Variants in M1AP observed in about 807,000 individuals in gnomAD.
The protein encoded by M1AP is meiosis 1 associated protein, also known as meiosis 1 arrest protein.
Under a neutral mutation model 51.2 loss-of-function variants are expected in M1AP, and 39 were observed. The ratio of observed to expected loss-of-function variants is 0.76; its 90% CI spans 0.59 to 1.00. The LOEUF is 1.00. M1AP is among the 50% of genes least tolerant of loss of function. The probability of loss-of-function intolerance (pLI) is 0.00; values close to 1 mark genes in which losing one functional copy is unlikely to be tolerated. For missense variants in M1AP, 545 were observed against 641.2 expected (o/e 0.85, Z 1.62); for synonymous variants, 251 against 249.2 (o/e 1.01, Z -0.07).
chr2:74,568,183 C>T (rs1678507153), intron 7 of M1AP, among the ~76,000 whole-genome samples: 1 of 152,218 alleles, frequency 6.6e-6, no homozygotes, highest in African/African-American at 2.4e-5. Flanking sequence ...AGCCGGCCAA[C>T]TGGCTAAGGG....
chr2:74,628,286 TC>T, intron 2 of M1AP: 1 of 299,674 alleles, frequency 3.3e-6, no homozygotes, highest in East Asian at 8.4e-5. Context: ...GTTCAGTTGT[TC>T]CCCAATGTAA....
At chr2:74,613,132 A>C (rs1054574859) in intron 3 of M1AP, among the ~76,000 whole-genome samples, 2 of 151,320 alleles carry the variant, frequency 1.3e-5, no homozygotes, top group Non-Finnish European at 3.0e-5. Flanking sequence ...ACCTTTTTTT[A>C]TTTTTTCTTA....
intron 7 of M1AP, chr2:74,575,207 G>A (rs550766393): frequency 1.3e-5 from 10 of 785,254 alleles, no homozygotes; most frequent in South Asian, 1.2e-4. Flanking sequence ...CTTGCCAATC[G>A]GGGATTTTCA....
chr2:74,571,224 C>T (rs1164377239), intron 7 of M1AP, among the ~76,000 whole-genome samples: 1 of 152,150 alleles, frequency 6.6e-6, no homozygotes, highest in Non-Finnish European at 1.5e-5. Flanking sequence ...AGGAGAGTTA[C>T]AACTCATGTT....
chr2:74,630,515 T>C (rs1336130187), intron 2 of M1AP, among the ~76,000 whole-genome samples: 1 of 152,150 alleles, frequency 6.6e-6, no homozygotes, highest in Non-Finnish European at 1.5e-5. Flanking sequence ...CCAGTGTGTG[T>C]TGTTCCCCTC....
In M1AP at chr2:74,558,926, C is replaced by T. The variant is rs757705192; in HGVS notation, c.1435-52G>A. 5 of 1,512,114 alleles carry T rather than the reference C, an allele frequency of 3.3e-6. No individual in the cohort carries two copies. In the East Asian group the frequency reaches 1.2e-4, roughly 36 times the overall value. 93.7% of individuals were successfully genotyped at this position (1,512,114 alleles called of 1,614,324 possible). ...TCTGAAGATCAGAGTTTCTGAGCAC[C>T]TATCCCATTCTCTGTTGGGCTTCCT... On this transcript the variant is annotated intron_variant, in intron 10 of 10. Transcript: ENST00000421985.
At chr2:74,643,448 T>C (rs1409760962) in intron 1 of M1AP, among the ~76,000 whole-genome samples, 2 of 152,032 alleles carry the variant, frequency 1.3e-5, no homozygotes, top group Non-Finnish European at 2.9e-5. Flanking sequence ...TGTTTAGAGG[T>C]GCATACACAG....
At chr2:74,585,207 GCA>G (rs1236767556) in intron 4 of M1AP, among the ~76,000 whole-genome samples, 5 of 152,162 alleles carry the variant, frequency 3.3e-5, no homozygotes, top group Non-Finnish European at 2.9e-5. Context: ...CAGAAATGCA[GCA>G]CAGAGAAGGG....
intron 4 of M1AP, among the ~76,000 whole-genome samples, chr2:74,590,216 G>T (rs1187348544): frequency 6.6e-6 from 1 of 152,186 alleles, no homozygotes; most frequent in Non-Finnish European, 1.5e-5. Flanking sequence ...GGTGCTGGCA[G>T]ATTCAATGTC....
intron 4 of M1AP, among the ~76,000 whole-genome samples, chr2:74,606,155 C>T (rs1680982479): frequency 6.6e-6 from 1 of 152,218 alleles, no homozygotes; most frequent in Non-Finnish European, 1.5e-5. Flanking sequence ...GGAGGCAGGG[C>T]ATGTGTGAGC....
intron 2 of M1AP, chr2:74,619,064 G>T: frequency 2.2e-6 from 1 of 453,256 alleles, no homozygotes; most frequent in Non-Finnish European, 4.4e-6. Flanking sequence ...TTAAGGTTTT[G>T]TTGATCAGTC....
intron 4 of M1AP, among the ~76,000 whole-genome samples, chr2:74,592,275 T>C (rs1204188836): frequency 6.6e-6 from 1 of 152,214 alleles, no homozygotes; most frequent in Non-Finnish European, 1.5e-5. Context: ...GGTAATTTTG[T>C]GTTTAAAAAT....
intron 2 of M1AP, chr2:74,628,819 A>C: frequency 2.1e-6 from 1 of 474,408 alleles, no homozygotes. Flanking sequence ...ACTTGAAAGA[A>C]TAAGTGGAAA....
At chr2:74,612,475 T>C (rs530922781) in intron 3 of M1AP, among the ~76,000 whole-genome samples, 43 of 152,288 alleles carry the variant, frequency 2.8e-4, no homozygotes, top group Middle Eastern at 6.8e-3. Context: ...CTGCCGTAGC[T>C]TCCCAAAGTG....
chr2:74,578,535 CAG>C (rs1037807247), intron 5 of M1AP, among the ~76,000 whole-genome samples: 50 of 152,250 alleles, frequency 3.3e-4, no homozygotes, highest in African/African-American at 1.1e-3. Context: ...GTGGTCTCAG[CAG>C]AGTGTCCCAA....
intron 4 of M1AP, among the ~76,000 whole-genome samples, chr2:74,585,651 G>A (rs1326263178): frequency 1.3e-5 from 2 of 152,228 alleles, no homozygotes; most frequent in African/African-American, 2.4e-5. Flanking sequence ...TCTCCACAGA[G>A]GTGCTGTGTG....
At chr2:74,626,511 G>T (rs1223336014) in intron 2 of M1AP, among the ~76,000 whole-genome samples, 1 of 152,044 alleles carries the variant, frequency 6.6e-6, no homozygotes, top group Non-Finnish European at 1.5e-5. Flanking sequence ...CTCCCTCCTT[G>T]GCCTCCCAAA....
At chr2:74,573,564 G>C (rs1678881609) in intron 7 of M1AP, among the ~76,000 whole-genome samples, 1 of 151,718 alleles carries the variant, frequency 6.6e-6, no homozygotes, top group South Asian at 2.1e-4. Flanking sequence ...TGTTGGCCAG[G>C]CTGGTCTTGA....
At chr2:74,647,953 T>C (rs967369405) in intron 1 of M1AP, 1 of 916,144 alleles carries the variant, frequency 1.1e-6, no homozygotes, top group Non-Finnish European at 1.3e-6. Context: ...GCCTCCGTGG[T>C]CCCTCGGCAT....
Sources: allele counts gnomAD v4.1 joint callset (sites outside exome capture counted in the v4.1 genomes callset), GRCh38; gene constraint gnomAD v4.1.1; transcripts MANE v1.5; gene names NCBI Gene and HGNC (gene_info 2026-07-23, HGNC 2026-07-21).